The following BRINP3 variants were observed in gnomAD, a reference collection of about 807,000 sequenced individuals.
BRINP3 encodes the protein BMP/retinoic acid inducible neural specific 3, also known as BMP/retinoic acid-inducible neural-specific protein 3.
In BRINP3, 19 loss-of-function variants were observed where a neutral mutation model predicts 71.0. That is an observed-to-expected ratio of 0.27 (90% CI 0.19 to 0.39). The LOEUF is 0.39. Among genes scored for constraint, BRINP3 ranks in the 10% least tolerant of loss-of-function variants. The pLI, the probability that BRINP3 is intolerant of heterozygous loss-of-function variation, is 1.00. For missense variants in BRINP3, 959 were observed against 940.8 expected (o/e 1.02, Z -0.25); for synonymous variants, 380 against 337.7 (o/e 1.13, Z -1.37).
chr1:190,306,219 G>A (rs1200084220), intron 2 of BRINP3, among the ~76,000 whole-genome samples: 1 of 151,310 alleles, frequency 6.6e-6, no homozygotes, highest in African/African-American at 2.4e-5. Flanking sequence ...TCATAAATTA[G>A]TGCTGTCCAA....
intron 7 of BRINP3, among the ~76,000 whole-genome samples, chr1:190,103,303 A>G (rs1467562283): frequency 6.6e-6 from 1 of 152,128 alleles, no homozygotes; most frequent in Admixed American, 6.6e-5. Flanking sequence ...ATGAAAGGAT[A>G]TAACAGGTAA....
intron 2 of BRINP3, among the ~76,000 whole-genome samples, chr1:190,425,664 A>C (rs910836663): frequency 6.6e-6 from 1 of 151,782 alleles, no homozygotes; most frequent in East Asian, 1.9e-4. Context: ...ATGATCTGTA[A>C]GCCAAATTAA....
At chr1:190,154,892 G>T (rs1656728511) in intron 7 of BRINP3, among the ~76,000 whole-genome samples, 1 of 152,048 alleles carries the variant, frequency 6.6e-6, no homozygotes, top group Non-Finnish European at 1.5e-5. Context: ...TGGACACTTG[G>T]TGGATCTGTT....
rs115608495 is a variant in BRINP3, at chr1:190,285,731, T to C, written c.237-3981A>G. Among the ~76,000 whole-genome samples the C allele has an allele frequency of 4.9e-3, 747 of 152,084 alleles. 6 individuals are homozygous for C. The highest frequency in any genetic ancestry group is 0.017 in the African/African-American group (701 of 41,502). ...TCTAAGGGGTGAGGGTTTGTTTTTT[T>C]TTTCCTTGTTTCCTGAAGACAAGAT... is the stretch of plus-strand genomic sequence containing the variant. On this transcript the variant is annotated intron_variant, in intron 2 of 7. Transcript: ENST00000367462.
At chr1:190,154,021 T>C in intron 7 of BRINP3, 1 of 874,080 alleles carries the variant, frequency 1.1e-6, no homozygotes, top group South Asian at 5.3e-5. Flanking sequence ...ATGACTTATA[T>C]GGTGGCCTCA....
intron 1 of BRINP3, among the ~76,000 whole-genome samples, chr1:190,471,929 T>C (rs1234047663): frequency 6.6e-6 from 1 of 151,516 alleles, no homozygotes; most frequent in Non-Finnish European, 1.5e-5. Flanking sequence ...TTGAAACTGT[T>C]ATACTTAATC....
At chr1:190,287,963 G>A (rs1663563715) in intron 2 of BRINP3, among the ~76,000 whole-genome samples, 1 of 152,028 alleles carries the variant, frequency 6.6e-6, no homozygotes, top group Admixed American at 6.6e-5. Flanking sequence ...CAACACAAAT[G>A]CAGGTATATA....
intron 2 of BRINP3, among the ~76,000 whole-genome samples, chr1:190,405,173 C>T (rs1286583079): frequency 2.0e-5 from 3 of 152,002 alleles, no homozygotes; most frequent in Non-Finnish European, 2.9e-5. Context: ...GAAACGTGGC[C>T]GGGCACAGTG....
At chr1:190,408,182 TG>T (rs200844202) in intron 2 of BRINP3, among the ~76,000 whole-genome samples, 3,238 of 124,838 alleles carry the variant, frequency 0.026, 119 homozygotes, top group African/African-American at 0.087. Context: ...CCACCACGCC[TG>T]GCTAATTATT....
rs530180445 is a variant in BRINP3 at position 190,320,031 on chromosome 1, T to TAAATGTATGTGC, written c.237-38293_237-38282dup. 1.1e-4 allele frequency among the ~76,000 whole-genome samples: 17 copies of TAAATGTATGTGC among 152,170 alleles called. No individual in the cohort carries two copies. The South Asian group carries it at 3.3e-3, about 30-fold the overall frequency. On this transcript the variant is annotated intron_variant, in intron 2 of 7. Transcript: ENST00000367462. ...TGTGATATACGTGTGTGTGTGTGTG[T>TAAATGTATGTGC]AAATGTATGTGCTCACTTAACTTGG...
At chr1:190,460,896 T>A (rs1676350151) in intron 1 of BRINP3, among the ~76,000 whole-genome samples, 1 of 152,166 alleles carries the variant, frequency 6.6e-6, no homozygotes, top group African/African-American at 2.4e-5. Context: ...GATTTACCAC[T>A]TTTTCTCCAC....
chr1:190,099,181 T>C (rs1199394217), intron 7 of BRINP3, 47 bp from the exon 8 acceptor site: 3 of 1,555,178 alleles, frequency 1.9e-6, no homozygotes, highest in Non-Finnish European at 2.6e-6. Context: ...AAAGATATTC[T>C]GTGTACTGCA....
chr1:190,342,955 C>T (rs1381240772), intron 2 of BRINP3, among the ~76,000 whole-genome samples: 1 of 151,768 alleles, frequency 6.6e-6, no homozygotes, highest in Admixed American at 6.6e-5. Flanking sequence ...TGATGAAAAG[C>T]TTTGAATACA....
At chr1:190,452,559 C>T (rs1236879327) in intron 2 of BRINP3, among the ~76,000 whole-genome samples, 1 of 152,072 alleles carries the variant, frequency 6.6e-6, no homozygotes, top group Admixed American at 6.5e-5. Context: ...CCCAGCACCT[C>T]TAAAAACATG....
At chr1:190,130,695 G>A (rs1654466763) in intron 7 of BRINP3, among the ~76,000 whole-genome samples, 1 of 152,026 alleles carries the variant, frequency 6.6e-6, no homozygotes, top group African/African-American at 2.4e-5. Context: ...GCCAGGGATT[G>A]TGTTTCTCAG....
intron 2 of BRINP3, among the ~76,000 whole-genome samples, chr1:190,303,004 T>C (rs1484455661): frequency 2.6e-5 from 4 of 151,826 alleles, no homozygotes; most frequent in Non-Finnish European, 5.9e-5. Flanking sequence ...TTAGCATTTA[T>C]AACAAGTTGG....
At chr1:190,289,575 C>A (rs772564138) in intron 2 of BRINP3, among the ~76,000 whole-genome samples, 242 of 152,040 alleles carry the variant, frequency 1.6e-3, no homozygotes, top group Non-Finnish European at 2.3e-3. Flanking sequence ...TGTTAGAATA[C>A]AATTTTACAC....
At chr1:190,180,504 T>C (rs1290779154) in intron 6 of BRINP3, among the ~76,000 whole-genome samples, 1 of 152,122 alleles carries the variant, frequency 6.6e-6, no homozygotes, top group Non-Finnish European at 1.5e-5. Context: ...GTAGATATAA[T>C]ACTTATGATA....
chr1:190,298,153 T>C (rs998135642), intron 2 of BRINP3, among the ~76,000 whole-genome samples: 22 of 152,158 alleles, frequency 1.4e-4, no homozygotes, highest in African/African-American at 5.1e-4. Flanking sequence ...ATCCTCTTAA[T>C]TAATTCTTTA....
Sources: allele counts gnomAD v4.1 joint callset (sites outside exome capture counted in the v4.1 genomes callset), GRCh38; gene constraint gnomAD v4.1.1; transcripts MANE v1.5; gene names NCBI Gene and HGNC (gene_info 2026-07-23, HGNC 2026-07-21).